The following HGF variants were observed in gnomAD, a reference collection of about 807,000 sequenced individuals.
HGF encodes fibroblast-derived tumor cytotoxic factor.
Under a neutral mutation model 111.6 loss-of-function variants are expected in HGF, and 39 were observed. The ratio of observed to expected loss-of-function variants is 0.35; its 90% CI spans 0.27 to 0.46. The LOEUF (loss-of-function observed/expected upper bound fraction) is 0.46, where lower values mean the gene tolerates loss of function less well. Among genes scored for constraint, HGF ranks in the 20% least tolerant of loss-of-function variants. The probability of loss-of-function intolerance (pLI) is 1.00; values close to 1 mark genes in which losing one functional copy is unlikely to be tolerated. For synonymous variants in HGF, 285 were observed against 294.8 expected (o/e 0.97, Z 0.34); for missense variants, 735 against 910.5 (o/e 0.81, Z 2.48).
rs1789555520 is a variant in HGF at position 81,770,007 on chromosome 7, G to C, written c.-36C>G. ...GACGGGCTGGCGGATCCCTCTGGAG[G>C]AGATGCCTGGGTGAAAGAATCCTGT... On this transcript the variant is annotated 5_prime_UTR_variant, in exon 1 of 18. Coordinates refer to ENST00000222390, the MANE Select transcript of HGF (RefSeq NM_000601.6). 6.8e-7 allele frequency: 1 copy of C among 1,471,168 alleles called. No individual in the cohort carries two copies. Among genetic ancestry groups the C allele is most frequent in the Non-Finnish European group, 9.3e-7 (1 of 1,076,358 alleles). The allele number at this position is 1,471,168 out of a possible 1,614,324, so 91.1% of individuals were successfully genotyped here.
chr7:81,724,208 C>A (rs564561156), intron 9 of HGF, among the ~76,000 whole-genome samples: 4 of 152,288 alleles, frequency 2.6e-5, no homozygotes, highest in Admixed American at 2.6e-4. Context: ...TTCCCTTAAT[C>A]ATTGGCTTCA....
In HGF at chr7:81,717,114, C is replaced by A. The variant is rs937130812; in HGVS notation, c.1405+118G>T. 9 of 942,664 alleles carry A rather than the reference C, an allele frequency of 9.5e-6. No homozygotes were observed. The African/African-American group carries it at 1.5e-4, about 15-fold the overall frequency. The allele number at this position is 942,664 out of a possible 1,614,324, so 58.4% of individuals were successfully genotyped here. A position where few individuals can be genotyped will look rare whatever the true frequency, so the allele number is the denominator to read the frequency against. ...TGTGTACATTTGTGTGTGTTGCTCT[C>A]TGGAGAGCTTCCTCATTTGGGAATA... On this transcript the variant is annotated intron_variant, in intron 11 of 17. Coordinates refer to ENST00000222390, the MANE Select transcript of HGF (RefSeq NM_000601.6).
chr7:81,703,117 T>A (rs149757608), intron 17 of HGF, among the ~76,000 whole-genome samples: 71 of 151,850 alleles, frequency 4.7e-4, no homozygotes, highest in African/African-American at 1.3e-3. Flanking sequence ...TTTATTTTGA[T>A]CTTCTTATGT....
At chr7:81,740,849 C>G (rs1342070892) in intron 7 of HGF, among the ~76,000 whole-genome samples, 2 of 152,166 alleles carry the variant, frequency 1.3e-5, no homozygotes, top group Non-Finnish European at 2.9e-5. Context: ...TGATCAGGAC[C>G]TTTTGAGACC....
intron 14 of HGF, among the ~76,000 whole-genome samples, chr7:81,706,773 G>T (rs1789438374): frequency 6.6e-6 from 1 of 151,944 alleles, no homozygotes; most frequent in South Asian, 2.1e-4. Context: ...GTATATATTT[G>T]GTTTGGTAAC....
At chr7:81,731,795 G>A (rs1377813684) in intron 7 of HGF, among the ~76,000 whole-genome samples, 1 of 152,104 alleles carries the variant, frequency 6.6e-6, no homozygotes, top group African/African-American at 2.4e-5. Flanking sequence ...TGATGGGAAA[G>A]GAGACAAAAA....
At position 81,725,950 on chromosome 7, in the gene HGF, G is replaced by A. The variant is rs2115904059; in HGVS notation, c.1108C>T (p.Pro370Ser). 23 of 1,613,894 alleles carry A rather than the reference G, an allele frequency of 1.4e-5. No individual in the cohort carries two copies. The highest frequency in any genetic ancestry group is 1.9e-5 in the Non-Finnish European group (23 of 1,179,814). ...GAGCAGTAGCCAACTCGGATGTTTG[G>A]ATCAGTGGTAAAACACCAGGGTGAT... is the stretch of plus-strand genomic sequence containing the variant. ...SESPWCFTTD[P>S]NIRVGYCSQI... Residue 370 changes from proline (P) to serine (S), a missense_variant, in exon 9 of 18, where the codon CCA becomes TCA. Around this residue, in one of 3 missense-constraint regions of HGF, gnomAD observed 553 missense variants for 685.6 expected, o/e 0.81. Coordinates refer to ENST00000222390, the MANE Select transcript of HGF (RefSeq NM_000601.6).
Position 81,743,425 on chromosome 7 carries a change from C to T in HGF, c.793G>A (p.Gly265Ser). ...GTATAGCACCATGGCCTCGGCTGGC[C>T]ATCGGGATTGCGGCAATAATTATCA... is the stretch of plus-strand genomic sequence containing the variant. ...FDDNYCRNPD[G>S]QPRPWCYTLD... The change falls in exon 7 of 18, where the codon GGC (glycine) becomes AGC (serine). Residue 265 changes from glycine to serine, a missense_variant. Physicochemically the swap from Gly to Ser is moderately conservative, Grantham distance 56 (BLOSUM62 0). Coordinates refer to ENST00000222390, the MANE Select transcript of HGF (RefSeq NM_000601.6). 1 of 1,613,894 alleles carries T rather than the reference C, an allele frequency of 6.2e-7. No homozygotes were observed. Among genetic ancestry groups the T allele is most frequent in the Non-Finnish European group, 8.5e-7 (1 of 1,179,818 alleles).
At chr7:81,713,704 C>T (rs1789632868) in intron 11 of HGF, among the ~76,000 whole-genome samples, 1 of 152,032 alleles carries the variant, frequency 6.6e-6, no homozygotes, top group African/African-American at 2.4e-5. Context: ...CCGGATGCAT[C>T]CATTTAACAA....
At chr7:81,708,411 T>TAACTTAGA (rs1366648153) in intron 13 of HGF, among the ~76,000 whole-genome samples, 2 of 150,900 alleles carry the variant, frequency 1.3e-5, no homozygotes, top group East Asian at 4.0e-4. Flanking sequence ...CTGGAAAAAA[T>TAACTTAGA]AACTTAGAAG....
intron 14 of HGF, among the ~76,000 whole-genome samples, chr7:81,706,974 GA>G (rs59586842): frequency 6.0e-4 from 88 of 147,432 alleles, no homozygotes; most frequent in East Asian, 2.2e-3. Context: ...TGACAATTTA[GA>G]AAAAAAAAAG....
At chr7:81,768,460 A>G (rs1584026875) in intron 1 of HGF, among the ~76,000 whole-genome samples, 1 of 151,770 alleles carries the variant, frequency 6.6e-6, no homozygotes, top group South Asian at 2.1e-4. Flanking sequence ...GCTCACTGCA[A>G]CCCCCACCTC....
intron 17 of HGF, among the ~76,000 whole-genome samples, chr7:81,704,204 C>G (rs950321267): frequency 2.6e-5 from 4 of 151,582 alleles, no homozygotes; most frequent in Non-Finnish European, 5.9e-5. Flanking sequence ...ATATAGTATA[C>G]AGATATGAAT....
intron 7 of HGF, among the ~76,000 whole-genome samples, chr7:81,731,511 GA>G (rs1441438766): frequency 6.6e-6 from 1 of 152,120 alleles, no homozygotes; most frequent in African/African-American, 2.4e-5. Flanking sequence ...GGCTTGTATA[GA>G]AAAAGTTGAT....
intron 2 of HGF, among the ~76,000 whole-genome samples, chr7:81,761,613 T>C (rs1789083013): frequency 6.6e-6 from 1 of 151,662 alleles, no homozygotes; most frequent in South Asian, 2.1e-4. Context: ...TGAGGTAAGA[T>C]AATGAAGAAC....
rs776214617 is a variant in HGF, at chr7:81,743,441, A to G, written c.777T>C (p.Tyr259=). 2.5e-6 allele frequency: 4 copies of G among 1,613,398 alleles called. No homozygotes were observed. The highest frequency in any genetic ancestry group is 1.6e-4 in the Middle Eastern group (1 of 6,062). Residue 259 remains tyrosine, a synonymous_variant, in exon 7 of 18, where the codon TAT becomes TAC. Transcript: ENST00000222390. ...RYPDKGFDDN[Y]CRNPDGQPRP... ...TCGGCTGGCCATCGGGATTGCGGCA[A>G]TAATTATCATCAAAGCCCTTGTCGG...
chr7:81,727,798 A>G (rs942592554), intron 8 of HGF, among the ~76,000 whole-genome samples: 1 of 150,934 alleles, frequency 6.6e-6, no homozygotes, highest in African/African-American at 2.4e-5. Flanking sequence ...ATCGAGGGCT[A>G]TCAAAGTCTT....
rs148293411 is a variant in HGF at position 81,717,234 on chromosome 7, C to T, written c.1403G>A (p.Arg468His). ...LIPWDYCPIS[R>H]CEGDTTPTIV... Reference sequence around the variant, plus strand: ...CACCAATCCCTAACTGTACTTACAACGAGAAATAGGGCAATAATCCCAAGG... The same window carrying T: ...CACCAATCCCTAACTGTACTTACAATGAGAAATAGGGCAATAATCCCAAGG... The change falls in exon 11 of 18, where the codon CGT (arginine) becomes CAT (histidine). Residue 468 changes from arginine to histidine, a missense_variant and splice_region_variant. This residue lies in a region of HGF where 553 missense variants were observed against 685.6 expected (regional missense o/e 0.81). Coordinates refer to ENST00000222390, the MANE Select transcript of HGF (RefSeq NM_000601.6). The T allele has an allele frequency of 3.7e-5, 60 of 1,613,256 alleles. No individual in the cohort carries two copies. The highest frequency in any genetic ancestry group is 1.1e-4 in the African/African-American group (8 of 74,860).
At chr7:81,710,763 A>G (rs774828533) in intron 12 of HGF, among the ~76,000 whole-genome samples, 3 of 151,828 alleles carry the variant, frequency 2.0e-5, no homozygotes, top group Non-Finnish European at 4.4e-5. Flanking sequence ...TATTATTTTC[A>G]AATCATTATG....
Sources: gnomAD v4.1 joint callset for allele counts (sites outside exome capture counted in the v4.1 genomes callset) on GRCh38, gnomAD v4.1.1 for gene constraint, gnomAD v4.1.1 regional missense constraint, MANE v1.5 for transcripts, NCBI Gene and HGNC (gene_info 2026-07-23, HGNC 2026-07-21) for gene names.